Variants in ACTR3C observed in about 807,000 individuals in gnomAD.
ACTR3C encodes the protein actin-related protein 3C.
A neutral mutation model predicts 26.3 loss-of-function variants in ACTR3C; 18 were observed. The ratio of observed to expected loss-of-function variants is 0.68; its 90% CI spans 0.47 to 1.01. The LOEUF is 1.01. Ranked by LOEUF, ACTR3C falls within the 50% of genes least tolerant of loss-of-function variation. The pLI is 0.00. For missense variants in ACTR3C, 184 were observed against 250.7 expected, an observed-to-expected ratio of 0.73 and a Z score of 1.80; for synonymous variants, 55 against 94.5, an observed-to-expected ratio of 0.58 and a Z score of 2.42.
the ACTR3C span, among the ~76,000 whole-genome samples, chr7:149,974,615 C>T: frequency 6.6e-6 from 1 of 152,132 alleles, no homozygotes; most frequent in Non-Finnish European, 1.5e-5. Context: ...TGTGGTGATC[C>T]GTCTGTGATG....
the ACTR3C span, among the ~76,000 whole-genome samples, chr7:150,193,265 T>C: frequency 6.6e-6 from 1 of 152,176 alleles, no homozygotes; most frequent in African/African-American, 2.4e-5. Flanking sequence ...CATAGAATTG[T>C]TCATTTAATT....
the ACTR3C span, among the ~76,000 whole-genome samples, chr7:150,036,003 TC>T: frequency 5.5e-5 from 7 of 128,326 alleles, no homozygotes; most frequent in South Asian, 4.5e-4. Context: ...GGGGGGTGCC[TC>T]CGCCCCCAGC....
At chr7:150,037,386 CCTCTGCGATGGGGG>C in the ACTR3C span, among the ~76,000 whole-genome samples, 1 of 58,244 alleles carries the variant, frequency 1.7e-5, no homozygotes, top group African/African-American at 4.9e-5. Flanking sequence ...GTGCCTCCCC[CCTCTGCGATGGGGG>C]TCCTAAGAGC....
chr7:149,955,113 T>C, the ACTR3C span, among the ~76,000 whole-genome samples: 1 of 152,220 alleles, frequency 6.6e-6, no homozygotes, highest in Non-Finnish European at 1.5e-5. Flanking sequence ...GCTGTGGACA[T>C]AAAGTATAAG....
chr7:150,238,580 T>C, the ACTR3C span, among the ~76,000 whole-genome samples: 5 of 142,662 alleles, frequency 3.5e-5, no homozygotes, highest in South Asian at 2.2e-4. Flanking sequence ...ATTTTATTAA[T>C]AAAAATATCT....
At chr7:150,199,026 T>C in the ACTR3C span, among the ~76,000 whole-genome samples, 2 of 136,152 alleles carry the variant, frequency 1.5e-5, no homozygotes, top group African/African-American at 3.1e-5. Flanking sequence ...GTCCGGGAGG[T>C]GAGGGGCGCC....
chr7:150,290,854 A>G (rs10282601), intron 3 of ACTR3C, among the ~76,000 whole-genome samples: 28,010 of 152,154 alleles, frequency 0.18, 3,525 homozygotes, highest in African/African-American at 0.34. Context: ...TGCATTACAC[A>G]TAATATTTTC....
At chr7:149,962,312 A>C in the ACTR3C span, among the ~76,000 whole-genome samples, 10 of 152,296 alleles carry the variant, frequency 6.6e-5, no homozygotes, top group African/African-American at 2.4e-4. Context: ...GTGTATGCTC[A>C]CAGGAAGTGT....
the ACTR3C span, among the ~76,000 whole-genome samples, chr7:150,035,839 CCT>C: frequency 6.7e-4 from 78 of 116,912 alleles, 14 homozygotes; most frequent in Non-Finnish European, 1.2e-3. Context: ...GCGGGGGTTG[CCT>C]CTCCCCCCCT....
the ACTR3C span, among the ~76,000 whole-genome samples, chr7:150,172,378 G>A: frequency 2.0e-5 from 3 of 150,582 alleles, no homozygotes; most frequent in Non-Finnish European, 4.4e-5. Flanking sequence ...AGAAGCAAAC[G>A]TGGAAACCCC....
In ACTR3C at chr7:150,286,504, C is replaced by T. The variant is rs757008908; in HGVS notation, c.334G>A (p.Glu112Lys). 1 of 1,611,548 alleles carries T rather than the reference C, an allele frequency of 6.2e-7. No homozygotes were observed. Among genetic ancestry groups the T allele is most frequent in the South Asian group, 1.1e-5 (1 of 90,682 alleles). The change falls in exon 5 of 8, where the codon GAA (glutamate) becomes AAA (lysine). Residue 112 changes from glutamate to lysine, a missense_variant. By Grantham distance (56) the Glu-to-Lys change is moderately conservative. Transcript: ENST00000683684. ...GGATCCACATCATACTTGGCAAATT[C>T]CTTGACTATATCGGGGCAAATGTAA... is the stretch of plus-strand genomic sequence containing the variant. ...YCYICPDIVK[E>K]FAKYDVDPQK...
At chr7:150,007,447 C>A in the ACTR3C span, among the ~76,000 whole-genome samples, 1 of 152,102 alleles carries the variant, frequency 6.6e-6, no homozygotes, top group Non-Finnish European at 1.5e-5. Context: ...CCAAGAACGG[C>A]GATTCTCACC....
the ACTR3C span, among the ~76,000 whole-genome samples, chr7:149,969,505 G>T: frequency 2.6e-5 from 4 of 152,076 alleles, no homozygotes; most frequent in African/African-American, 9.7e-5. Context: ...CTTCTCCAGC[G>T]CAAGTAAAGC....
At chr7:150,005,133 G>A in the ACTR3C span, 1 of 152,180 alleles carries the variant, frequency 6.6e-6, no homozygotes, top group Non-Finnish European at 1.5e-5. Flanking sequence ...GTAAACAATT[G>A]GTCATCTGAG....
At chr7:150,236,831 A>G in the ACTR3C span, among the ~76,000 whole-genome samples, 12,814 of 141,480 alleles carry the variant, frequency 0.091, 1,139 homozygotes, top group African/African-American at 0.17. Context: ...AAATTTAATC[A>G]TCCTGTGCTT....
the ACTR3C span, among the ~76,000 whole-genome samples, chr7:150,082,955 T>TC: frequency 1.4e-5 from 2 of 142,332 alleles, no homozygotes; most frequent in African/African-American, 2.7e-5. Context: ...TTCTTTTTTT[T>TC]TTTTTTTCAG....
At chr7:150,198,372 C>T in the ACTR3C span, among the ~76,000 whole-genome samples, 1 of 148,530 alleles carries the variant, frequency 6.7e-6, no homozygotes, top group Non-Finnish European at 1.5e-5. Flanking sequence ...CGTCTGCGCC[C>T]GGCCGCCATC....
In ACTR3C at chr7:150,248,946, A is replaced by AC; in HGVS notation, c.*38+1dup. ...AATTAAAAATGAAAATCATGAGAAT[A>AC]CCTCAAATAAAAGGCTACGCATGGG... On this transcript the variant is annotated splice_donor_variant, in intron 7 of 7. Coordinates refer to ENST00000683684, the MANE Select transcript of ACTR3C (RefSeq NM_001164458.2). LOFTEE classifies it low-confidence loss of function (3UTR_SPLICE). The AC allele has an allele frequency of 1.8e-6, 1 of 555,536 alleles. No individual in the cohort carries two copies. Among genetic ancestry groups the AC allele is most frequent in the East Asian group, 3.0e-5 (1 of 33,400 alleles). The allele number at this position is 555,536 out of a possible 1,614,324, so 34.4% of individuals were successfully genotyped here.
chr7:150,199,205 C>G, the ACTR3C span, among the ~76,000 whole-genome samples: 10 of 139,792 alleles, frequency 7.2e-5, no homozygotes, highest in African/African-American at 2.4e-4. Flanking sequence ...CGGATGGTTG[C>G]CGTGTCTGTG....
Sources: allele counts gnomAD v4.1 joint callset (sites outside exome capture counted in the v4.1 genomes callset), GRCh38; gene constraint gnomAD v4.1.1; transcripts MANE v1.5; gene names NCBI Gene and HGNC (gene_info 2026-07-23, HGNC 2026-07-21).